Variants in TSEN2 observed in about 807,000 individuals in gnomAD.
TSEN2 encodes tRNA splicing endonuclease subunit 2.
TSEN2 carries 54 observed loss-of-function variants against 59.2 expected under a neutral mutation model. The observed-to-expected ratio is 0.91, with a 90% CI of 0.73 to 1.14. TSEN2 has a LOEUF of 1.14. TSEN2 is among the 50% of genes most tolerant of loss of function. The pLI, the probability that TSEN2 is intolerant of heterozygous loss-of-function variation, is 0.00. For synonymous variants in TSEN2, 195 were observed against 198.2 expected (o/e 0.98, Z 0.14); for missense variants, 636 against 576.2 (o/e 1.10, Z -1.06).
In TSEN2 at chr3:12,528,935, A is replaced by G; in HGVS notation, c.1136+11A>G. 2 of 1,613,872 alleles carry G rather than the reference A, an allele frequency of 1.2e-6. No individual in the cohort carries two copies. Among genetic ancestry groups the G allele is most frequent in the Non-Finnish European group, 1.7e-6 (2 of 1,179,932 alleles). ...ATTTTACCATGCAAGGTTCGGAGTG[A>G]TTTTTAAATAAACTAATGGGTTAAA... is the stretch of plus-strand genomic sequence containing the variant. On this transcript the variant is annotated intron_variant, in intron 9 of 11. Coordinates refer to ENST00000284995, the MANE Select transcript of TSEN2 (RefSeq NM_025265.4).
downstream of TSEN2, among the ~76,000 whole-genome samples, chr3:12,536,109 T>G (rs2125275844): frequency 6.6e-6 from 1 of 152,258 alleles, no homozygotes; most frequent in Middle Eastern, 3.4e-3. Flanking sequence ...TTTTATGCCC[T>G]GGTAGGTGAG....
chr3:12,495,169 T>A (rs1455317867), intron 3 of TSEN2, among the ~76,000 whole-genome samples: 1 of 150,250 alleles, frequency 6.7e-6, no homozygotes, highest in African/African-American at 2.5e-5. Context: ...TACAAGAGAT[T>A]TTTTTAAACA....
intron 6 of TSEN2, among the ~76,000 whole-genome samples, chr3:12,512,888 A>G (rs889794946): frequency 1.3e-5 from 2 of 152,240 alleles, no homozygotes; most frequent in African/African-American, 4.8e-5. Flanking sequence ...TTTCCATTAC[A>G]ACACTTGAGG....
At chr3:12,527,223 A>G (rs920092903) in intron 8 of TSEN2, among the ~76,000 whole-genome samples, 1 of 152,220 alleles carries the variant, frequency 6.6e-6, no homozygotes, top group Non-Finnish European at 1.5e-5. Context: ...GGAAATACAG[A>G]AAGGAAATGT....
upstream of TSEN2, among the ~76,000 whole-genome samples, chr3:12,483,960 A>G (rs148576402): frequency 1.6e-3 from 246 of 152,266 alleles, 1 homozygote; most frequent in African/African-American, 5.5e-3. Flanking sequence ...CCTGCCGCCT[A>G]TTGTCCCTTA....
At chr3:12,531,088 A>T (rs572737276) in intron 10 of TSEN2, 1 of 154,408 alleles carries the variant, frequency 6.5e-6, no homozygotes, top group East Asian at 1.9e-4. Context: ...GAAGCCCCTT[A>T]TAAAACCATC....
intron 4 of TSEN2, among the ~76,000 whole-genome samples, chr3:12,498,954 G>T (rs2054020514): frequency 6.6e-6 from 1 of 152,068 alleles, no homozygotes; most frequent in Admixed American, 6.5e-5. Flanking sequence ...TAGAGACAGG[G>T]TGTCGCTCTT....
chr3:12,502,186 A>G (rs1357928116), intron 4 of TSEN2, among the ~76,000 whole-genome samples: 1 of 152,208 alleles, frequency 6.6e-6, no homozygotes, highest in Non-Finnish European at 1.5e-5. Context: ...TTCCAATGCT[A>G]AACAAGTTAT....
chr3:12,522,342 G>A (rs1410537078), intron 8 of TSEN2, among the ~76,000 whole-genome samples: 1 of 152,084 alleles, frequency 6.6e-6, no homozygotes, highest in African/African-American at 2.4e-5. Context: ...GCCCTCACTG[G>A]GACATATCAT....
Position 12,533,338 on chromosome 3 carries a change from C to T in TSEN2, c.*617C>T, listed in dbSNP as rs1465820370. 1 of 154,354 alleles carries T rather than the reference C, an allele frequency of 6.5e-6. No individual in the cohort carries two copies. Among genetic ancestry groups the T allele is most frequent in the Admixed American group, 6.4e-5 (1 of 15,634 alleles). 9.6% of individuals were successfully genotyped at this position (154,354 alleles called of 1,614,324 possible). A position where few individuals can be genotyped will look rare whatever the true frequency, so the allele number is the denominator to read the frequency against. On this transcript the variant is annotated 3_prime_UTR_variant, in exon 12 of 12. Coordinates refer to ENST00000284995, the MANE Select transcript of TSEN2 (RefSeq NM_025265.4). ...AGAAAGTCATGAAGACTTAAGTTGC[C>T]TCAGGGCATCTGGTGGCAAGAGGAG...
chr3:12,502,559 A>G (rs1225845875), intron 4 of TSEN2, among the ~76,000 whole-genome samples: 9 of 151,990 alleles, frequency 5.9e-5, no homozygotes, highest in Non-Finnish European at 1.5e-5. Context: ...AATAATACAA[A>G]AAAAAAATCT....
intron 8 of TSEN2, among the ~76,000 whole-genome samples, chr3:12,520,021 G>A (rs1158022416): frequency 2.7e-5 from 4 of 149,800 alleles, no homozygotes; most frequent in African/African-American, 7.4e-5. Context: ...TTTTTGAGAC[G>A]GAGTCTCGCC....
intron 6 of TSEN2, among the ~76,000 whole-genome samples, chr3:12,509,225 G>A (rs914239616): frequency 3.4e-5 from 5 of 148,006 alleles, no homozygotes; most frequent in African/African-American, 1.3e-4. Flanking sequence ...TTTTGAGACA[G>A]GGTCTCGCTC....
chr3:12,536,884 T>C (rs888079130), downstream of TSEN2, among the ~76,000 whole-genome samples: 12 of 151,704 alleles, frequency 7.9e-5, no homozygotes, highest in African/African-American at 2.9e-4. Context: ...GCACCTGTAA[T>C]CCCAGCTACT....
intron 1 of TSEN2, among the ~76,000 whole-genome samples, 183 bp downstream of exon 1, chr3:12,485,063 G>C (rs2052463256): frequency 1.3e-5 from 2 of 152,296 alleles, no homozygotes; most frequent in Admixed American, 1.3e-4. Flanking sequence ...TGTTTATATG[G>C]CTTATTCTCA....
chr3:12,502,689 GT>G (rs11426170), intron 4 of TSEN2, among the ~76,000 whole-genome samples: 4,851 of 105,784 alleles, frequency 0.046, 160 homozygotes, highest in African/African-American at 0.13. Context: ...TTTTTTTTTT[GT>G]TTTTTTTTTT....
At position 12,516,242 on chromosome 3, in the gene TSEN2, G is replaced by A. The variant is rs190962053; in HGVS notation, c.910-369G>A. ...GATCGAGACCATCCTGGCTAACACT[G>A]TGAAACCCGTCTCTACTGAAAAAAA... On this transcript the variant is annotated intron_variant, in intron 6 of 11. Transcript: ENST00000284995. Among the ~76,000 whole-genome samples the A allele has an allele frequency of 4.8e-3, 726 of 152,176 alleles. 5 individuals carry two copies. The highest frequency in any genetic ancestry group is 0.017 in the African/African-American group (688 of 41,504).
intron 6 of TSEN2, among the ~76,000 whole-genome samples, chr3:12,512,018 AAC>A (rs1421393840): frequency 2.0e-5 from 3 of 152,256 alleles, no homozygotes; most frequent in African/African-American, 7.2e-5. Flanking sequence ...CATGCACTAT[AAC>A]ACACAATAGA....
At chr3:12,530,235 A>G in intron 10 of TSEN2, 1 of 1,027,298 alleles carries the variant, frequency 9.7e-7, no homozygotes, top group Non-Finnish European at 1.2e-6. Context: ...CATATTCACA[A>G]AGGAGTCAAA....
Sources: gnomAD v4.1 joint callset for allele counts (sites outside exome capture counted in the v4.1 genomes callset) on GRCh38, gnomAD v4.1.1 for gene constraint, MANE v1.5 for transcripts, NCBI Gene and HGNC (gene_info 2026-07-23, HGNC 2026-07-21) for gene names.